Variants in CEP350 observed in about 807,000 individuals in gnomAD.
CEP350 encodes centrosome-associated protein 350.
In CEP350, 126 loss-of-function variants were observed where a neutral mutation model predicts 331.8. The observed-to-expected ratio is 0.38, with a 90% CI of 0.33 to 0.44. CEP350 has a LOEUF of 0.44. CEP350 is among the 20% of genes least tolerant of loss of function. The pLI is 1.00. For synonymous variants in CEP350, 1,200 were observed against 1,259.5 expected (o/e 0.95, Z 1.00); for missense variants, 3,406 against 3,634.6 (o/e 0.94, Z 1.62).
chr1:180,008,570 T>C (rs1039605710), intron 8 of CEP350, among the ~76,000 whole-genome samples: 2 of 152,234 alleles, frequency 1.3e-5, no homozygotes, highest in African/African-American at 4.8e-5. Flanking sequence ...GTTGGGAACC[T>C]GTCACTTTCA....
At chr1:179,970,261 A>G (rs1441340041) in intron 1 of CEP350, among the ~76,000 whole-genome samples, 1 of 152,210 alleles carries the variant, frequency 6.6e-6, no homozygotes, top group Non-Finnish European at 1.5e-5. Context: ...TTCCTGGATT[A>G]CAGTAAGTCA....
At position 180,031,652 on chromosome 1, in the gene CEP350, G is replaced by T. The variant is rs550280088; in HGVS notation, c.3725+158G>T. Among the ~76,000 whole-genome samples the T allele has an allele frequency of 6.6e-5, 10 of 152,076 alleles. No homozygotes were observed. The South Asian group carries it at 2.1e-3, about 32-fold the overall frequency. On this transcript the variant is annotated intron_variant, in intron 15 of 37. Transcript: ENST00000367607. Reference sequence around the variant, plus strand: ...TTTTACAAATAGACTTCATAGCTTTGTTCACAGCTCTAATCTTTATCTGTA... The same window carrying T: ...TTTTACAAATAGACTTCATAGCTTTTTTCACAGCTCTAATCTTTATCTGTA...
intron 13 of CEP350, 21 bp from the exon 14 acceptor site, chr1:180,024,398 C>T: frequency 6.3e-7 from 1 of 1,590,062 alleles, no homozygotes; most frequent in Non-Finnish European, 8.5e-7. Context: ...TCTGGAACTA[C>T]TATTATTTAT....
chr1:180,082,076 T>C (rs960521671), intron 30 of CEP350, among the ~76,000 whole-genome samples: 1 of 152,248 alleles, frequency 6.6e-6, no homozygotes, highest in Non-Finnish European at 1.5e-5. Context: ...ACCGGTGACT[T>C]TCTTCAAGTT....
rs770118653 is a variant in CEP350 at position 180,092,789 on chromosome 1, A to G, written c.6684A>G (p.Ala2228=). 6.3e-7 allele frequency: 1 copy of G among 1,577,880 alleles called. No individual in the cohort carries two copies. Among genetic ancestry groups the G allele is most frequent in the Admixed American group, 1.9e-5 (1 of 53,952 alleles). ...GAGATTCTCTAGAAAATGTACCTGC[A>G]TTACATCTTCTCAAAGAATTAAATG... ...ESGDSLENVP[A]LHLLKELNAT... The change falls in exon 34 of 38, where the codon GCA becomes GCG. Residue 2228 remains alanine, a synonymous_variant. Coordinates refer to ENST00000367607, the MANE Select transcript of CEP350 (RefSeq NM_014810.5).
At chr1:179,993,459 G>T (rs537748028) in intron 5 of CEP350, among the ~76,000 whole-genome samples, 9 of 152,256 alleles carry the variant, frequency 5.9e-5, no homozygotes, top group Admixed American at 5.2e-4. Context: ...GTCTTGCTCT[G>T]TTGCCCAGGC....
chr1:180,110,134 A>G (rs959003469), intron 37 of CEP350, among the ~76,000 whole-genome samples: 2 of 152,232 alleles, frequency 1.3e-5, no homozygotes, highest in Non-Finnish European at 2.9e-5. Context: ...AAATACCCTA[A>G]GGTTAAATTT....
At position 179,955,089 on chromosome 1, in the gene CEP350, G is replaced by A; in HGVS notation, c.-67G>A. 6.8e-7 allele frequency: 1 copy of A among 1,462,474 alleles called. No individual in the cohort carries two copies. The highest frequency in any genetic ancestry group is 9.0e-7 in the Non-Finnish European group (1 of 1,109,870). 90.6% of individuals were successfully genotyped at this position (1,462,474 alleles called of 1,614,324 possible). A position where few individuals can be genotyped will look rare whatever the true frequency, so the allele number is the denominator to read the frequency against. ...TCGGGGCGGCGTCACTGCACCCTCCGCCAGGCTCCGCGGGATGCACCGTGG... is the reference window on the plus strand; with the variant it reads ...TCGGGGCGGCGTCACTGCACCCTCCACCAGGCTCCGCGGGATGCACCGTGG... On this transcript the variant is annotated 5_prime_UTR_variant, in exon 1 of 38. Transcript: ENST00000367607.
Position 180,019,981 on chromosome 1 carries a change from C to G in CEP350, c.2207C>G (p.Pro736Arg). ...KDLMESTWMQ[P>R]ERLSPQVHHS... Reference sequence around the variant, plus strand: ...TTGATGGAATCTACATGGATGCAGCCTGAAAGATTGAGCCCACAAGTTCAC... The same window carrying G: ...TTGATGGAATCTACATGGATGCAGCGTGAAAGATTGAGCCCACAAGTTCAC... Residue 736 changes from proline to arginine, a missense_variant, in exon 12 of 38, where the codon CCT becomes CGT. Transcript: ENST00000367607. The G allele has an allele frequency of 1.2e-6, 2 of 1,611,362 alleles. No individual in the cohort carries two copies. The highest frequency in any genetic ancestry group is 1.7e-4 in the Middle Eastern group (1 of 6,028).
intron 1 of CEP350, among the ~76,000 whole-genome samples, chr1:179,970,458 C>A (rs957311219): frequency 2.0e-5 from 3 of 151,986 alleles, no homozygotes; most frequent in African/African-American, 7.2e-5. Context: ...TCTGCTGGTC[C>A]TTACTAAATT....
intron 37 of CEP350, among the ~76,000 whole-genome samples, chr1:180,107,185 A>T (rs1193840304): frequency 6.6e-6 from 1 of 152,136 alleles, no homozygotes; most frequent in African/African-American, 2.4e-5. Flanking sequence ...CCTAGTCATG[A>T]GGGAATCATA....
intron 27 of CEP350, among the ~76,000 whole-genome samples, chr1:180,068,967 T>C (rs1438207834): frequency 6.6e-6 from 1 of 152,230 alleles, no homozygotes; most frequent in East Asian, 1.9e-4. Context: ...AGTGTACTTT[T>C]TTAAGAGTCT....
Position 180,094,088 on chromosome 1 carries a change from T to G in CEP350, c.7983T>G (p.Ile2661Met). The change falls in exon 34 of 38, where the codon ATT becomes ATG. Residue 2661 changes from isoleucine (I) to methionine (M), a missense_variant. Transcript: ENST00000367607. ...AGCAGTCTTCAGTGGATTCACAGAT[T>G]TCTTCAAAGGAAAACAAAGACCTCA... is the stretch of plus-strand genomic sequence containing the variant. ...VHQQSSVDSQ[I>M]SSKENKDLIS... The G allele has an allele frequency of 6.2e-7, 1 of 1,613,916 alleles. No individual in the cohort carries two copies. Among genetic ancestry groups the G allele is most frequent in the Non-Finnish European group, 8.5e-7 (1 of 1,179,866 alleles).
intron 1 of CEP350, among the ~76,000 whole-genome samples, chr1:179,983,375 C>T (rs1050737580): frequency 6.6e-6 from 1 of 152,034 alleles, no homozygotes; most frequent in African/African-American, 2.4e-5. Flanking sequence ...GCTGGGCTTA[C>T]AGATGTGCGC....
At chr1:180,047,939 A>G (rs1416849542) in intron 21 of CEP350, among the ~76,000 whole-genome samples, 3 of 152,104 alleles carry the variant, frequency 2.0e-5, no homozygotes, top group Non-Finnish European at 4.4e-5. Context: ...TTAACATTTA[A>G]TTTTGACATG....
intron 25 of CEP350, among the ~76,000 whole-genome samples, chr1:180,057,857 C>G (rs542969608): frequency 9.8e-5 from 15 of 152,292 alleles, no homozygotes; most frequent in African/African-American, 3.6e-4. Context: ...TTACTCAGCA[C>G]AAGAGACTGG....
At position 180,098,968 on chromosome 1, in the gene CEP350, C is replaced by T; in HGVS notation, c.9172C>T (p.Arg3058Ter). 1.2e-6 allele frequency: 2 copies of T among 1,613,346 alleles called. No individual in the cohort carries two copies. The highest frequency in any genetic ancestry group is 1.7e-6 in the Non-Finnish European group (2 of 1,179,626). The part of the protein sequence containing the change: ...MMKFGRKKRD[R>*]VDHILVQELH... ...GAAATTTGGAAGAAAGAAAAGAGAC[C>T]GAGTGGATCATATCCTGGTCAGTGT... Residue 3058 changes from arginine to a stop codon, truncating the protein, a stop_gained, in exon 37 of 38, where the codon CGA (arginine) becomes TGA (stop). Transcript: ENST00000367607. LOFTEE classifies it high-confidence loss of function.
chr1:179,988,886 A>G (rs944995559), intron 3 of CEP350, among the ~76,000 whole-genome samples: 10 of 152,156 alleles, frequency 6.6e-5, no homozygotes, highest in Non-Finnish European at 1.3e-4. Context: ...TTGGCCCTAT[A>G]AATATAGCAA....
chr1:180,021,214 ATTG>A (rs1260333145), intron 12 of CEP350, among the ~76,000 whole-genome samples: 2 of 152,310 alleles, frequency 1.3e-5, no homozygotes, highest in African/African-American at 2.4e-5. Flanking sequence ...TCATTTTAAA[ATTG>A]TTATTATCAT....
Sources: gnomAD v4.1 joint callset for allele counts (sites outside exome capture counted in the v4.1 genomes callset) on GRCh38, gnomAD v4.1.1 for gene constraint, MANE v1.5 for transcripts, NCBI Gene and HGNC (gene_info 2026-07-23, HGNC 2026-07-21) for gene names.